NALF1: variants seen among roughly 807,000 people sequenced by gnomAD.
NALF1 encodes family with sequence similarity 155 member A.
In NALF1, 3 loss-of-function variants were observed where a neutral mutation model predicts 48.4. That is an observed-to-expected ratio of 0.06 (90% CI 0.03 to 0.16). The LOEUF is 0.16. Ranked by LOEUF, NALF1 falls within the 10% of genes least tolerant of loss-of-function variation. NALF1 has a pLI of 1.00. For synonymous variants in NALF1, 262 were observed against 245.7 expected (o/e 1.07, Z -0.62); for missense variants, 526 against 571.5 (o/e 0.92, Z 0.81).
chr13:107,638,933 C>G (rs995462985), intron 1 of NALF1, among the ~76,000 whole-genome samples: 3 of 152,144 alleles, frequency 2.0e-5, no homozygotes, highest in African/African-American at 7.2e-5. Flanking sequence ...ATGGAAGAAT[C>G]AGAGACACTG....
chr13:107,809,842 T>C (rs1201188101), intron 1 of NALF1, among the ~76,000 whole-genome samples: 1 of 152,064 alleles, frequency 6.6e-6, no homozygotes, highest in East Asian at 1.9e-4. Flanking sequence ...ACACCTCACC[T>C]TTTTCTTTTA....
At chr13:107,212,302 G>A (rs940365741) in intron 1 of NALF1, among the ~76,000 whole-genome samples, 1 of 152,200 alleles carries the variant, frequency 6.6e-6, no homozygotes, top group Non-Finnish European at 1.5e-5. Context: ...GTCATCAATG[G>A]CTCACAATCA....
intron 1 of NALF1, among the ~76,000 whole-genome samples, chr13:107,679,222 C>A (rs2138493438): frequency 6.6e-6 from 1 of 151,816 alleles, no homozygotes; most frequent in Admixed American, 6.6e-5. Context: ...ATCTTCACAT[C>A]AAAAAAAATT....
intron 1 of NALF1, among the ~76,000 whole-genome samples, chr13:107,726,445 C>T (rs79398591): frequency 7.9e-4 from 120 of 151,758 alleles, no homozygotes; most frequent in African/African-American, 2.6e-3. Context: ...TTGAATAAAC[C>T]GAGTTCACAC....
intron 1 of NALF1, among the ~76,000 whole-genome samples, chr13:107,340,328 A>G (rs1882646207): frequency 6.6e-6 from 1 of 152,018 alleles, no homozygotes; most frequent in Non-Finnish European, 1.5e-5. Context: ...TTTAGTAGAG[A>G]CAGGGTTTCA....
chr13:107,531,996 C>T (rs1469276146), intron 1 of NALF1, among the ~76,000 whole-genome samples: 2 of 152,074 alleles, frequency 1.3e-5, no homozygotes, highest in East Asian at 1.9e-4. Context: ...GCTGAATTTG[C>T]ATACTTACCT....
chr13:107,577,081 A>G (rs1878175496), intron 1 of NALF1, among the ~76,000 whole-genome samples: 1 of 152,204 alleles, frequency 6.6e-6, no homozygotes, highest in African/African-American at 2.4e-5. Context: ...GAGTGGGCAA[A>G]CCAGGCTGGC....
intron 1 of NALF1, among the ~76,000 whole-genome samples, chr13:107,760,285 T>G (rs1877228317): frequency 1.4e-5 from 2 of 147,664 alleles, no homozygotes; most frequent in Non-Finnish European, 3.0e-5. Context: ...TAATTCATCT[T>G]CCATGGATCA....
intron 1 of NALF1, among the ~76,000 whole-genome samples, chr13:107,283,896 T>C (rs1036258377): frequency 6.6e-6 from 1 of 151,982 alleles, no homozygotes; most frequent in Non-Finnish European, 1.5e-5. Context: ...CCTGACCTCA[T>C]GATCCACCCA....
At chr13:107,649,520 TG>T (rs1307904884) in intron 1 of NALF1, among the ~76,000 whole-genome samples, 1 of 152,226 alleles carries the variant, frequency 6.6e-6, no homozygotes, top group African/African-American at 2.4e-5. Context: ...AATTAAGTCC[TG>T]GGTTGTAGAG....
intron 1 of NALF1, among the ~76,000 whole-genome samples, chr13:107,459,801 T>C (rs1884887913): frequency 6.6e-6 from 1 of 152,106 alleles, no homozygotes; most frequent in Admixed American, 6.5e-5. Context: ...AGTGCAGTGG[T>C]GTGATCTCCA....
chr13:107,527,997 C>T (rs1057008177), intron 1 of NALF1, among the ~76,000 whole-genome samples: 1 of 152,012 alleles, frequency 6.6e-6, no homozygotes, highest in Non-Finnish European at 1.5e-5. Context: ...TAGTTTACTA[C>T]AAAGTAATAT....
At chr13:107,686,397 ATT>A (rs1881434350) in intron 1 of NALF1, among the ~76,000 whole-genome samples, 1 of 151,158 alleles carries the variant, frequency 6.6e-6, no homozygotes, top group Non-Finnish European at 1.5e-5. Context: ...TATTATTATT[ATT>A]ATTGTTATTA....
chr13:107,745,773 T>C (rs1280112617), intron 1 of NALF1, among the ~76,000 whole-genome samples: 1 of 152,166 alleles, frequency 6.6e-6, no homozygotes, highest in South Asian at 2.1e-4. Context: ...AGGGACCTTC[T>C]TGGGACCTCA....
intron 1 of NALF1, among the ~76,000 whole-genome samples, chr13:107,490,747 G>A (rs775425436): frequency 3.3e-5 from 5 of 151,722 alleles, no homozygotes; most frequent in Admixed American, 2.0e-4. Flanking sequence ...CTGTATAGTC[G>A]TCACACACTT....
At chr13:107,547,115 T>C (rs763432921) in intron 1 of NALF1, among the ~76,000 whole-genome samples, 4 of 152,242 alleles carry the variant, frequency 2.6e-5, no homozygotes, top group Non-Finnish European at 4.4e-5. Flanking sequence ...CAATAAATGA[T>C]GAGCATTGAT....
intron 1 of NALF1, among the ~76,000 whole-genome samples, chr13:107,782,044 C>CTCTCCCTCTCCCCACGG (rs1314793533): frequency 1.3e-5 from 2 of 152,206 alleles, no homozygotes; most frequent in East Asian, 3.9e-4. Flanking sequence ...CCTCTCCCTC[C>CTCTCCCTCTCCCCACGG]TCTCCCTCTC....
At chr13:107,482,985 C>T (rs1239348514) in intron 1 of NALF1, among the ~76,000 whole-genome samples, 1 of 152,144 alleles carries the variant, frequency 6.6e-6, no homozygotes, top group Non-Finnish European at 1.5e-5. Flanking sequence ...TGTCTAAATG[C>T]CCTCCCAGAA....
chr13:107,322,985 T>C lies in NALF1; in HGVS notation c.916-112230A>G, dbSNP rs576133414. On this transcript the variant is annotated intron_variant, in intron 1 of 2. Transcript: ENST00000375915. ...TACCCAGAGCTTTTATTTTTTGAGA[T>C]CCACCACAGACTTCACTTTCTCTTT... Among the ~76,000 whole-genome samples the C allele has an allele frequency of 3.2e-4, 48 of 152,220 alleles. 1 individual carries two copies. In the South Asian group the frequency reaches 1.0e-2, roughly 32 times the overall value.
Sources: allele counts gnomAD v4.1 joint callset (sites outside exome capture counted in the v4.1 genomes callset), GRCh38; gene constraint gnomAD v4.1.1; transcripts MANE v1.5; gene names NCBI Gene and HGNC (gene_info 2026-07-23, HGNC 2026-07-21).